The following FMO1 variants were observed in gnomAD, a reference collection of about 807,000 sequenced individuals.
The protein encoded by FMO1 is flavin containing dimethylaniline monoxygenase 1, also known as flavin-containing monooxygenase 1.
In FMO1, 36 loss-of-function variants were observed where a neutral mutation model predicts 45.4. The observed-to-expected ratio is 0.79, with a 90% confidence interval of 0.61 to 1.05. The LOEUF is 1.05. FMO1 is among the 50% of genes least tolerant of loss of function. The pLI, the probability that FMO1 is intolerant of heterozygous loss-of-function variation, is 0.00. For synonymous variants in FMO1, 228 were observed against 227.2 expected, an observed-to-expected ratio of 1.00 and a Z score of -0.03; for missense variants, 615 against 640.3, an observed-to-expected ratio of 0.96 and a Z score of 0.43.
Position 171,275,396 on chromosome 1 carries a change from A to G in FMO1, c.372A>G (p.Gln124=), listed in dbSNP as rs1387055124. Residue 124 remains glutamine, a synonymous_variant, in exon 4 of 9, where the codon CAA becomes CAG. Coordinates refer to ENST00000617670, the MANE Select transcript of FMO1 (RefSeq NM_001282693.2). ...TKCSDSAVSG[Q]WEVVTMHEEK... is the part of the protein sequence containing the mutation. ...GCTCAGATTCTGCTGTCTCTGGCCA[A>G]TGGGAGGTGGTCACTATGCATGAAG... 2 of 1,613,868 alleles carry G rather than the reference A, an allele frequency of 1.2e-6. No homozygotes were observed. The highest frequency in any genetic ancestry group is 2.2e-5 in the East Asian group (1 of 44,880).
chr1:171,285,359 C>CA lies in FMO1; in HGVS notation c.1415dup (p.Phe473ValfsTer40). On this transcript the variant is annotated frameshift_variant, in exon 9 of 9. Coordinates refer to ENST00000617670, the MANE Select transcript of FMO1 (RefSeq NM_001282693.2). LOFTEE classifies it low-confidence loss of function (END_TRUNC). ...CTTCTTTGGCCCATGCTCACCATAC[C>CA]AGTTCCGCTTGACTGGCCCAGGAAA... 1.9e-6 allele frequency: 3 copies of CA among 1,614,010 alleles called. No individual in the cohort carries two copies. The highest frequency in any genetic ancestry group is 2.5e-6 in the Non-Finnish European group (3 of 1,179,950).
intron 8 of FMO1, among the ~76,000 whole-genome samples, chr1:171,284,886 G>T (rs1051400028): frequency 1.3e-5 from 2 of 151,764 alleles, no homozygotes; most frequent in Non-Finnish European, 2.9e-5. Context: ...CTGAATAATG[G>T]AATTTTATAA....
At position 171,275,379 on chromosome 1, in the gene FMO1, T is replaced by C. The variant is rs375700803; in HGVS notation, c.355T>C (p.Ser119Pro). The C allele has an allele frequency of 9.9e-6, 16 of 1,613,892 alleles. No individual in the cohort carries two copies. In the African/African-American group the frequency reaches 2.0e-4, roughly 20 times the overall value. ...KVCSVTKCSD[S>P]AVSGQWEVVT... ...CTGCAGTGTAACAAAATGCTCAGAT[T>C]CTGCTGTCTCTGGCCAATGGGAGGT... The change falls in exon 4 of 9, where the codon TCT becomes CCT. Residue 119 changes from serine to proline, a missense_variant. By Grantham distance (74) the Ser-to-Pro change is moderately conservative (BLOSUM62 -1). Transcript: ENST00000617670.
At chr1:171,269,711 C>A (rs1660769579) in intron 3 of FMO1, among the ~76,000 whole-genome samples, 1 of 152,088 alleles carries the variant, frequency 6.6e-6, no homozygotes, top group Non-Finnish European at 1.5e-5. Flanking sequence ...ATAATCATGA[C>A]TAATGAGTGA....
At chr1:171,274,973 A>G (rs1480958932) in intron 3 of FMO1, among the ~76,000 whole-genome samples, 1 of 152,226 alleles carries the variant, frequency 6.6e-6, no homozygotes, top group Non-Finnish European at 1.5e-5. Flanking sequence ...TATCTTACCC[A>G]TGTATCTGTC....
At chr1:171,261,998 G>A (rs541007477) in intron 2 of FMO1, among the ~76,000 whole-genome samples, 1 of 152,334 alleles carries the variant, frequency 6.6e-6, no homozygotes, top group African/African-American at 2.4e-5. Context: ...ACTCTTGAGA[G>A]GGAGGGGAGG....
At chr1:171,250,848 T>C (rs1659854897) in intron 1 of FMO1, among the ~76,000 whole-genome samples, 1 of 152,210 alleles carries the variant, frequency 6.6e-6, no homozygotes, top group Admixed American at 6.5e-5. Flanking sequence ...ATAATAATAA[T>C]AAATTTATCT....
chr1:171,253,592 T>C, intron 1 of FMO1, among the ~76,000 whole-genome samples: 1 of 151,976 alleles, frequency 6.6e-6, no homozygotes, highest in East Asian at 1.9e-4. Context: ...AGAAACCCCA[T>C]CTCTACTAAA....
chr1:171,261,321 G>GCACACACACACACACACACA (rs71561567), intron 2 of FMO1, among the ~76,000 whole-genome samples: 25 of 148,038 alleles, frequency 1.7e-4, no homozygotes, highest in African/African-American at 6.0e-4. Flanking sequence ...ACACACACAG[G>GCACACACACACACACACACA]CACACACACA....
At chr1:171,256,272 CAAAAAAAAA>C (rs34529047) in intron 1 of FMO1, among the ~76,000 whole-genome samples, 1 of 78,284 alleles carries the variant, frequency 1.3e-5, no homozygotes, top group African/African-American at 5.2e-5. Flanking sequence ...GACTCCATCT[CAAAAAAAAA>C]AAAAAAAAAA....
chr1:171,280,846 C>A lies in FMO1; in HGVS notation c.688C>A (p.Pro230Thr), dbSNP rs377044900. 7 of 1,613,726 alleles carry A rather than the reference C, an allele frequency of 4.3e-6. No homozygotes were observed. The African/African-American group carries it at 6.7e-5, about 15-fold the overall frequency. ...CAGCCGAATCTTTGACTCGGGCTAC[C>A]CATGGGACATGGTGTTCATGACACG... ...VISRIFDSGY[P>T]WDMVFMTRFQ... The change falls in exon 6 of 9, where the codon CCA becomes ACA. Residue 230 changes from proline (P) to threonine (T), a missense_variant. By Grantham distance (38) the Pro-to-Thr change is conservative. Transcript: ENST00000617670.
At chr1:171,262,163 A>G (rs917010996) in intron 2 of FMO1, among the ~76,000 whole-genome samples, 14 of 152,190 alleles carry the variant, frequency 9.2e-5, no homozygotes, top group African/African-American at 2.9e-4. Context: ...AGCCAGGCAC[A>G]GTGGCTCACG....
rs1193987353 is a variant in FMO1, at chr1:171,282,273, T to C, written c.1123T>C (p.Leu375=). 2 of 1,613,752 alleles carry C rather than the reference T, an allele frequency of 1.2e-6. No homozygotes were observed. Among genetic ancestry groups the C allele is most frequent in the Non-Finnish European group, 8.5e-7 (1 of 1,179,876 alleles). The change falls in exon 7 of 9, where the codon TTG becomes CTG. Residue 375 remains leucine (L), a synonymous_variant. Transcript: ENST00000617670. ...TLAIIGLIKP[L]GSMIPTGETQ... Reference sequence around the variant, plus strand: ...GGCCATTATTGGCCTCATCAAACCCTTGGGCTCCATGATACCTACAGGAGA... The same window carrying C: ...GGCCATTATTGGCCTCATCAAACCCCTGGGCTCCATGATACCTACAGGAGA...
At chr1:171,264,569 C>T (rs1000473138) in intron 2 of FMO1, among the ~76,000 whole-genome samples, 1 of 151,948 alleles carries the variant, frequency 6.6e-6, no homozygotes, top group African/African-American at 2.4e-5. Context: ...CATGGGCCAG[C>T]AGCGTCTGCA....
chr1:171,284,442 C>G (rs1480192078), intron 8 of FMO1, among the ~76,000 whole-genome samples: 1 of 151,958 alleles, frequency 6.6e-6, no homozygotes, highest in African/African-American at 2.4e-5. Context: ...CGCATGTCAG[C>G]AAACAATTTT....
At chr1:171,259,747 T>A (rs1007273112) in intron 2 of FMO1, among the ~76,000 whole-genome samples, 6 of 152,122 alleles carry the variant, frequency 3.9e-5, no homozygotes, top group Non-Finnish European at 8.8e-5. Flanking sequence ...TCATCAACAC[T>A]AAAAATCACT....
intron 1 of FMO1, among the ~76,000 whole-genome samples, chr1:171,250,313 A>G (rs1251136972): frequency 6.6e-6 from 1 of 152,206 alleles, no homozygotes; most frequent in African/African-American, 2.4e-5. Flanking sequence ...CAGCTTTGCA[A>G]AGATATGATG....
At chr1:171,258,301 A>G (rs1218598218) in intron 2 of FMO1, 82 bp downstream of exon 2, 15 of 1,530,854 alleles carry the variant, frequency 9.8e-6, no homozygotes, top group African/African-American at 1.4e-5. Context: ...TTCTTTCACA[A>G]GGGTTGGTGG....
chr1:171,281,889 C>A, intron 6 of FMO1, 89 bp from the exon 7 acceptor site: 1 of 699,648 alleles, frequency 1.4e-6, no homozygotes, highest in Non-Finnish European at 2.4e-6. Flanking sequence ...AAGGAGAGAG[C>A]CCCAGAATGA....
Sources: gnomAD v4.1 joint callset for allele counts (sites outside exome capture counted in the v4.1 genomes callset) on GRCh38, gnomAD v4.1.1 for gene constraint, MANE v1.5 for transcripts, NCBI Gene and HGNC (gene_info 2026-07-23, HGNC 2026-07-21) for gene names.